Variants in DCAF8L2 observed in about 807,000 individuals in gnomAD.
The protein encoded by DCAF8L2 is DDB1- and CUL4-associated factor 8-like protein 2.
For missense variants in DCAF8L2, 430 were observed against 490.7 expected, an observed-to-expected ratio of 0.88 and a Z score of 1.17; for synonymous variants, 200 against 190.9, an observed-to-expected ratio of 1.05 and a Z score of -0.39.
chrX:27,558,319 G>C, the DCAF8L2 span, among the ~76,000 whole-genome samples: 1 of 111,651 alleles, frequency 9.0e-6, no homozygotes, highest in Admixed American at 9.5e-5. Flanking sequence ...GGCTCCTTTT[G>C]TATGCAATTG....
chrX:27,685,583 A>G (rs1382106419), intron 3 of DCAF8L2, among the ~76,000 whole-genome samples: 1 of 112,022 alleles, frequency 8.9e-6, no homozygotes, highest in Admixed American at 9.5e-5. Flanking sequence ...AATAAACTCT[A>G]AATGGTTTAA....
At chrX:27,562,367 C>T in the DCAF8L2 span, among the ~76,000 whole-genome samples, 2 of 112,237 alleles carry the variant, frequency 1.8e-5, no homozygotes, top group Admixed American at 9.4e-5. Context: ...CCACCTTGTG[C>T]CAAAAGCTCA....
intron 3 of DCAF8L2, among the ~76,000 whole-genome samples, chrX:27,688,046 TAAAA>T (rs1217814844): frequency 9.0e-6 from 1 of 111,688 alleles, no homozygotes; most frequent in African/African-American, 3.3e-5. Context: ...AAAAATAGAA[TAAAA>T]AGAGTGAATT....
At chrX:27,690,328 C>A (rs978922555) in intron 3 of DCAF8L2, among the ~76,000 whole-genome samples, 1 of 111,300 alleles carries the variant, frequency 9.0e-6, no homozygotes, top group Non-Finnish European at 1.9e-5. Context: ...CAAATGCCAT[C>A]CTTAGTCATT....
chrX:27,548,731 C>T, the DCAF8L2 span, among the ~76,000 whole-genome samples: 22 of 112,058 alleles, frequency 2.0e-4, no homozygotes, highest in Admixed American at 4.7e-4. Context: ...GGCTGTTTAA[C>T]ATTCTGCTAT....
intron 3 of DCAF8L2, among the ~76,000 whole-genome samples, chrX:27,701,226 TTAAAG>T (rs1341347545): frequency 1.8e-5 from 2 of 111,161 alleles, no homozygotes; most frequent in African/African-American, 3.3e-5. Flanking sequence ...AAACAATGAA[TTAAAG>T]TAAAGGAACA....
chrX:27,742,670 T>G (rs754424498), intron 4 of DCAF8L2, among the ~76,000 whole-genome samples: 2 of 111,858 alleles, frequency 1.8e-5, no homozygotes, highest in African/African-American at 6.5e-5. Flanking sequence ...TCCTGATTCC[T>G]ATCAGAAGTA....
intron 4 of DCAF8L2, among the ~76,000 whole-genome samples, chrX:27,717,948 C>A (rs1316383401): frequency 9.0e-6 from 1 of 111,721 alleles, no homozygotes; most frequent in African/African-American, 3.3e-5. Context: ...CGTTGAATTG[C>A]CATAACTTAG....
the DCAF8L2 span, among the ~76,000 whole-genome samples, chrX:27,561,899 G>T: frequency 9.0e-6 from 1 of 111,556 alleles, no homozygotes; most frequent in Non-Finnish European, 1.9e-5. Context: ...AAGTTTTTGT[G>T]TAGAAATATG....
At chrX:27,509,646 C>G in the DCAF8L2 span, among the ~76,000 whole-genome samples, 1 of 111,846 alleles carries the variant, frequency 8.9e-6, no homozygotes, top group Non-Finnish European at 1.9e-5. Context: ...TATGTGGGTA[C>G]AGATGTAAAT....
At chrX:27,550,730 C>T in the DCAF8L2 span, among the ~76,000 whole-genome samples, 1 of 110,592 alleles carries the variant, frequency 9.0e-6, no homozygotes, top group African/African-American at 3.3e-5. Context: ...CTATTCTCTA[C>T]TTCTGTGAGA....
chrX:27,472,849 A>G, the DCAF8L2 span, among the ~76,000 whole-genome samples: 2 of 111,741 alleles, frequency 1.8e-5, no homozygotes, highest in East Asian at 5.6e-4. Flanking sequence ...TTTAAATTTT[A>G]TTCTCCTTTT....
chrX:27,497,108 C>G, the DCAF8L2 span, among the ~76,000 whole-genome samples: 1 of 111,032 alleles, frequency 9.0e-6, no homozygotes, highest in African/African-American at 3.3e-5. Flanking sequence ...TATGCAAAGG[C>G]AAAATAGGGG....
intron 1 of DCAF8L2, among the ~76,000 whole-genome samples, chrX:27,592,610 T>G (rs1440093924): frequency 2.8e-5 from 3 of 108,368 alleles, no homozygotes; most frequent in Non-Finnish European, 5.7e-5. Flanking sequence ...ATAATTTTTT[T>G]GTATTTTAGT....
intron 3 of DCAF8L2, among the ~76,000 whole-genome samples, chrX:27,698,856 C>T (rs1030986167): frequency 9.0e-6 from 1 of 111,641 alleles, no homozygotes; most frequent in Non-Finnish European, 1.9e-5. Context: ...TACTGTGGGG[C>T]AGACACTGTG....
chrX:27,712,658 G>A (rs1019635636), intron 3 of DCAF8L2: 3 of 111,935 alleles, frequency 2.7e-5, no homozygotes, highest in Admixed American at 9.5e-5. Flanking sequence ...AGGTAAAACT[G>A]TAAAAATACA....
the DCAF8L2 span, among the ~76,000 whole-genome samples, chrX:27,503,627 T>A: frequency 9.0e-6 from 1 of 111,418 alleles, no homozygotes; most frequent in Non-Finnish European, 1.9e-5. Flanking sequence ...ACTTTTTTGT[T>A]CTCTGTTTTG....
chrX:27,607,445 G>T (rs774472826), intron 1 of DCAF8L2, among the ~76,000 whole-genome samples: 1 of 110,778 alleles, frequency 9.0e-6, no homozygotes, highest in African/African-American at 3.3e-5. Context: ...TTACATTTTC[G>T]AGAACAGAGC....
chrX:27,738,920 C>A, intron 4 of DCAF8L2, among the ~76,000 whole-genome samples: 1 of 111,119 alleles, frequency 9.0e-6, no homozygotes, highest in Admixed American at 9.6e-5. Flanking sequence ...TAATAACCTG[C>A]CTGCCTCCAT....
Sources: gnomAD v4.1 joint callset for allele counts (sites outside exome capture counted in the v4.1 genomes callset) on GRCh38, gnomAD v4.1.1 for gene constraint, MANE v1.5 for transcripts, NCBI Gene and HGNC (gene_info 2026-07-23, HGNC 2026-07-21) for gene names.